Variants in HEATR9 observed in about 807,000 individuals in gnomAD.
HEATR9 encodes the protein HEAT repeat containing 9.
In HEATR9, 54 loss-of-function variants were observed where a neutral mutation model predicts 68.2. That is an observed-to-expected ratio of 0.79 (90% CI 0.64 to 0.99). The LOEUF is 0.99. Among genes scored for constraint, HEATR9 ranks in the 50% least tolerant of loss-of-function variants. HEATR9 has a pLI of 0.00. For missense variants in HEATR9, 662 were observed against 679.7 expected, an observed-to-expected ratio of 0.97 and a Z score of 0.29; for synonymous variants, 241 against 253.5, an observed-to-expected ratio of 0.95 and a Z score of 0.47.
chr17:35,856,559 G>A (rs2087778507), intron 12 of HEATR9, among the ~76,000 whole-genome samples, 173 bp downstream of exon 12: 1 of 152,052 alleles, frequency 6.6e-6, no homozygotes, highest in African/African-American at 2.4e-5. Context: ...AAAGCTCAGG[G>A]GTCAAAGAGT....
intron 8 of HEATR9, 137 bp downstream of exon 8, chr17:35,862,858 G>C: frequency 1.6e-6 from 2 of 1,274,492 alleles, no homozygotes; most frequent in Non-Finnish European, 1.1e-6. Flanking sequence ...TTCAACTCCC[G>C]AGGGAACTCC....
Position 35,856,244 on chromosome 17 carries a change from T to C in HEATR9, c.1227-20A>G, listed in dbSNP as rs1326274009. ...AGTTGTCTGTGTAGAAGGGAGTGAG[T>C]ATGTTATAGTTGAATTAAGGAGTAG... is the stretch of plus-strand genomic sequence containing the variant. On this transcript the variant is annotated intron_variant, in intron 12 of 14. Transcript: ENST00000604834. The C allele has an allele frequency of 4.3e-6, 7 of 1,613,882 alleles. No homozygotes were observed. In the South Asian group the frequency reaches 7.7e-5, roughly 18 times the overall value.
Position 35,868,776 on chromosome 17 carries a change from A to T in HEATR9, c.-34T>A, listed in dbSNP as rs2088300993. On this transcript the variant is annotated 5_prime_UTR_variant, in exon 1 of 15. Coordinates refer to ENST00000604834, the MANE Select transcript of HEATR9 (RefSeq NM_152781.4). ...CCTGGTGGGGCCAGAGGGAACCTGCAGGGGGGAATACAAGGCTTTTAGGGG... is the reference window on the plus strand; with the variant it reads ...CCTGGTGGGGCCAGAGGGAACCTGCTGGGGGGAATACAAGGCTTTTAGGGG... The T allele has an allele frequency of 6.2e-7, 1 of 1,604,150 alleles. No individual in the cohort carries two copies.
At position 35,855,093 on chromosome 17, in the gene HEATR9, C is replaced by G. The variant is rs779806010; in HGVS notation, c.1683G>C (p.Gln561His). 1.8e-4 allele frequency: 284 copies of G among 1,613,634 alleles called. No individual in the cohort carries two copies. Among genetic ancestry groups the G allele is most frequent in the Admixed American group, 8.3e-4 (50 of 59,884 alleles). Residue 561 changes from glutamine (Q) to histidine (H), a missense_variant, in exon 15 of 15, where the codon CAG becomes CAC. Coordinates refer to ENST00000604834, the MANE Select transcript of HEATR9 (RefSeq NM_152781.4). ...IGPWQPRIKK[Q>H]LRVLAEIAK ...TGGCAATTTCAGCAAGGACCCGGAG[C>G]TGTTTCTTGATCCTTGGCTGCCAGG...
chr17:35,863,769 C>G, intron 6 of HEATR9: 1 of 617,980 alleles, frequency 1.6e-6, no homozygotes, highest in Non-Finnish European at 2.8e-6. Context: ...AAATCTCTAT[C>G]TGGTATCTTG....
chr17:35,855,191 C>A lies in HEATR9; in HGVS notation c.1585G>T (p.Gly529Cys). The change falls in exon 15 of 15, where the codon GGC becomes TGC. Residue 529 changes from glycine to cysteine, a missense_variant. Transcript: ENST00000604834. ...GGGAAAGCAGGCGTTTTCTTTTGGC[C>A]TACTTTGGTGATGGACTTTGCAATA... is the stretch of plus-strand genomic sequence containing the variant. ...LFIAKSITKV[G>C]QKKTPAFPPC... 6.2e-7 allele frequency: 1 copy of A among 1,614,134 alleles called. No individual in the cohort carries two copies. The highest frequency in any genetic ancestry group is 8.5e-7 in the Non-Finnish European group (1 of 1,180,024).
intron 6 of HEATR9, chr17:35,864,030 G>T (rs766839499): frequency 1.7e-6 from 1 of 582,696 alleles, no homozygotes; most frequent in African/African-American, 1.9e-5. Context: ...TTAGACCAGG[G>T]AGATCTTCAG....
In HEATR9 at chr17:35,863,107, A is replaced by C; in HGVS notation, c.644T>G (p.Val215Gly). 6.2e-7 allele frequency: 1 copy of C among 1,614,114 alleles called. No homozygotes were observed. Among genetic ancestry groups the C allele is most frequent in the Middle Eastern group, 1.6e-4 (1 of 6,062 alleles). ...CAGCTGTTTGATGAGAGCCCGGATC[A>C]CATGCTTATTCAGGCAACCTGGACA... ...LAILGCLNKH[V>G]IRALIKQLKE... The change falls in exon 8 of 15, where the codon GTG (valine) becomes GGG (glycine). Residue 215 changes from valine (V) to glycine (G), a missense_variant. Coordinates refer to ENST00000604834, the MANE Select transcript of HEATR9 (RefSeq NM_152781.4).
chr17:35,857,050 C>T (rs113589016), intron 11 of HEATR9, among the ~76,000 whole-genome samples: 46 of 152,060 alleles, frequency 3.0e-4, no homozygotes, highest in African/African-American at 1.0e-3. Flanking sequence ...AGGTGATGCC[C>T]GAGCTGAATG....
intron 14 of HEATR9, 41 bp from the exon 15 acceptor site, chr17:35,855,451 T>A (rs1175141022): frequency 6.3e-7 from 1 of 1,576,838 alleles, no homozygotes; most frequent in South Asian, 1.1e-5. Flanking sequence ...TCACTTTGGG[T>A]TCAGGCTGGG....
chr17:35,862,383 G>C (rs2088026086), intron 8 of HEATR9, among the ~76,000 whole-genome samples: 1 of 152,140 alleles, frequency 6.6e-6, no homozygotes, highest in Non-Finnish European at 1.5e-5. Flanking sequence ...CAATGATGGG[G>C]TCAAAGTAAG....
At chr17:35,858,139 A>G in intron 11 of HEATR9, 61 bp downstream of exon 11, 1 of 1,609,574 alleles carries the variant, frequency 6.2e-7, no homozygotes, top group Non-Finnish European at 8.5e-7. Context: ...GGAGGTCTCC[A>G]GAACACGGAA....
chr17:35,855,111 C>T lies in HEATR9; in HGVS notation c.1665G>A (p.Gln555=). The T allele has an allele frequency of 6.2e-7, 1 of 1,614,076 alleles. No homozygotes were observed. Among genetic ancestry groups the T allele is most frequent in the East Asian group, 2.2e-5 (1 of 44,886 alleles). ...KHRPQVIGPW[Q]PRIKKQLRVL... is the part of the protein sequence containing the mutation. ...CCCGGAGCTGTTTCTTGATCCTTGG[C>T]TGCCAGGGCCCTATGACCTGTGGCC... The change falls in exon 15 of 15, where the codon CAG becomes CAA. Residue 555 remains glutamine (Q), a synonymous_variant. Coordinates refer to ENST00000604834, the MANE Select transcript of HEATR9 (RefSeq NM_152781.4).
At chr17:35,858,660 C>T in intron 9 of HEATR9, 135 bp from the exon 10 acceptor site, 2 of 875,792 alleles carry the variant, frequency 2.3e-6, no homozygotes. Context: ...CTCTTGACCA[C>T]AGAAGTTCAT....
Position 35,855,485 on chromosome 17 carries a change from A to T in HEATR9, c.1366-75T>A. 4 of 1,419,052 alleles carry T rather than the reference A, an allele frequency of 2.8e-6. 1 individual carries two copies. Among genetic ancestry groups the T allele is most frequent in the Non-Finnish European group, 3.9e-6 (4 of 1,019,760 alleles). 87.9% of individuals were successfully genotyped at this position (1,419,052 alleles called of 1,614,324 possible). A position where few individuals can be genotyped will look rare whatever the true frequency, so the allele number is the denominator to read the frequency against. On this transcript the variant is annotated intron_variant, in intron 14 of 14. Coordinates refer to ENST00000604834, the MANE Select transcript of HEATR9 (RefSeq NM_152781.4). ...GGAGGCTCCAGAGAGGGGGCACCCAAAGTAGGGGGGAATTCTAGCCACAGG... is the reference window on the plus strand; with the variant it reads ...GGAGGCTCCAGAGAGGGGGCACCCATAGTAGGGGGGAATTCTAGCCACAGG...
At chr17:35,860,678 A>T (rs1431046100) in intron 8 of HEATR9, among the ~76,000 whole-genome samples, 1 of 150,826 alleles carries the variant, frequency 6.6e-6, no homozygotes, top group East Asian at 2.1e-4. Flanking sequence ...TTTAGTAGAG[A>T]CCGGGTTTCA....
In HEATR9 at chr17:35,855,251, G is replaced by A; in HGVS notation, c.1525C>T (p.Gln509Ter). Residue 509 changes from glutamine to a stop codon, truncating the protein, a stop_gained, in exon 15 of 15, where the codon CAA becomes TAA. Coordinates refer to ENST00000604834, the MANE Select transcript of HEATR9 (RefSeq NM_152781.4). LOFTEE classifies it low-confidence loss of function (END_TRUNC). ...TTCAGCTTTGCAAGTCGAAAGTCTT[G>A]AATAGTTAACTCTTCTGGGTTCTCA... ...EPENPEELTI[Q>*]DFRLAKLNPL... 1 of 1,614,184 alleles carries A rather than the reference G, an allele frequency of 6.2e-7. No homozygotes were observed. The highest frequency in any genetic ancestry group is 8.5e-7 in the Non-Finnish European group (1 of 1,180,040).
intron 6 of HEATR9, chr17:35,863,796 G>T: frequency 1.7e-6 from 1 of 589,816 alleles, no homozygotes; most frequent in East Asian, 2.8e-5. Flanking sequence ...CTTGGCCCTG[G>T]GCAAGTCCCT....
At position 35,858,290 on chromosome 17, in the gene HEATR9, C is replaced by T; in HGVS notation, c.1062G>A (p.Lys354=). ...EDRFEATQML[K]TIGLEQIQAQ... is the part of the protein sequence containing the mutation. ...CCTGGATCTGTTCCAGCCCAATGGT[C>T]TTGAGCATTTGGGTGGCTTCAAAGC... Residue 354 remains lysine (K), a synonymous_variant, in exon 11 of 15, where the codon AAG becomes AAA. Transcript: ENST00000604834. The T allele has an allele frequency of 6.2e-7, 1 of 1,614,174 alleles. No homozygotes were observed. The highest frequency in any genetic ancestry group is 8.5e-7 in the Non-Finnish European group (1 of 1,180,020).
Sources: allele counts gnomAD v4.1 joint callset (sites outside exome capture counted in the v4.1 genomes callset), GRCh38; gene constraint gnomAD v4.1.1; transcripts MANE v1.5; gene names NCBI Gene and HGNC (gene_info 2026-07-23, HGNC 2026-07-21).